Variants in TAF1 observed in about 807,000 individuals in gnomAD.
The protein encoded by TAF1 is transcription initiation factor TFIID subunit 1.
Under a neutral mutation model 138.5 loss-of-function variants are expected in TAF1, and 2 were observed. The ratio of observed to expected loss-of-function variants is 0.01; its 90% CI spans 0.01 to 0.05. TAF1 has a LOEUF of 0.05. Among genes scored for constraint, TAF1 ranks in the 10% least tolerant of loss-of-function variants. The probability of loss-of-function intolerance (pLI) is 1.00; values close to 1 mark genes in which losing one functional copy is unlikely to be tolerated. For synonymous variants in TAF1, 437 were observed against 503.2 expected (o/e 0.87, Z 1.76); for missense variants, 709 against 1,478.0 (o/e 0.48, Z 8.53).
chrX:71,367,674 C>CT, intron 2 of TAF1, 61 bp downstream of exon 2: 1 of 1,136,831 alleles, frequency 8.8e-7, no homozygotes. Flanking sequence ...TATGTATGTA[C>CT]TTTTTTGTGT....
chrX:71,403,970 A>G (rs1296309678), intron 25 of TAF1, among the ~76,000 whole-genome samples: 1 of 105,539 alleles, frequency 9.5e-6, no homozygotes, highest in African/African-American at 3.5e-5. Context: ...TTCTGGCACA[A>G]GATGTTTTTG....
At chrX:71,420,917 A>G (rs968539092) in intron 28 of TAF1, among the ~76,000 whole-genome samples, 2 of 111,312 alleles carry the variant, frequency 1.8e-5, no homozygotes, top group African/African-American at 6.5e-5. Flanking sequence ...GGCCCCAGGC[A>G]CAAGATGGCG....
At chrX:71,483,772 C>CTATATA (rs1296271842) in intron 13 of TAF1, among the ~76,000 whole-genome samples, 13 of 75,205 alleles carry the variant, frequency 1.7e-4, no homozygotes, top group South Asian at 7.3e-4. Context: ...CTCTCTCTCT[C>CTATATA]TCTCTCTCTA....
Position 71,388,740 on chromosome X carries a change from A to G in TAF1, c.2572A>G (p.Met858Val). The change falls in exon 17 of 38, where the codon ATG (methionine) becomes GTG (valine). Residue 858 changes from methionine to valine, a missense_variant and splice_region_variant. Physicochemically the swap from Met to Val is conservative, Grantham distance 21 (BLOSUM62 1). Around this residue, in one of 14 missense-constraint regions of TAF1, gnomAD observed 4 missense variants for 34.8 expected, o/e 0.11. Transcript: ENST00000423759. ...CTCTATGTATATGTCTTTTCCAGGG[A>G]TGGACTCAAACTGGTGGGTGCTTAA... ...KLCADFKRTG[M>V]DSNWWVLKSD... is the part of the protein sequence containing the mutation. The G allele has an allele frequency of 1.7e-6, 2 of 1,211,435 alleles. No homozygotes were observed. The highest frequency in any genetic ancestry group is 2.2e-6 in the Non-Finnish European group (2 of 895,428).
intron 14 of TAF1, among the ~76,000 whole-genome samples, chrX:71,529,215 G>A (rs1489363458): frequency 9.1e-6 from 1 of 110,312 alleles, no homozygotes; most frequent in Non-Finnish European, 1.9e-5. Context: ...GGGACTACAG[G>A]TGCCCGCCAC....
At chrX:71,457,494 C>G (rs1208363726) in intron 34 of TAF1, among the ~76,000 whole-genome samples, 4 of 112,153 alleles carry the variant, frequency 3.6e-5, no homozygotes, top group Non-Finnish European at 7.5e-5. Flanking sequence ...TTATCTAGTC[C>G]TTCTTGCCCT....
intron 13 of TAF1, among the ~76,000 whole-genome samples, chrX:71,513,201 G>C (rs184242056): frequency 1.3e-4 from 14 of 111,629 alleles, no homozygotes; most frequent in Non-Finnish European, 2.4e-4. Context: ...AGGCCCTAAC[G>C]TGTTTAAGGC....
rs1336248668 is a variant in TAF1 at position 71,377,005 on chromosome X, G to C, written c.528G>C (p.Leu176Phe). Reference sequence around the variant, plus strand: ...CCTCCATCATTGCCCCTTCCTCTTTGGCCTCAGAGAAAGTGGACTTCAGTA... The same window carrying C: ...CCTCCATCATTGCCCCTTCCTCTTTCGCCTCAGAGAAAGTGGACTTCAGTA... ...ILPSIIAPSS[L>F]ASEKVDFSSS... Residue 176 changes from leucine to phenylalanine, a missense_variant, in exon 5 of 38, where the codon TTG becomes TTC. Around this residue, in one of 14 missense-constraint regions of TAF1, gnomAD observed 123 missense variants for 161.6 expected, o/e 0.76. Transcript: ENST00000423759. 1 of 1,211,463 alleles carries C rather than the reference G, an allele frequency of 8.3e-7. No individual in the cohort carries two copies. Among genetic ancestry groups the C allele is most frequent in the South Asian group, 1.8e-5 (1 of 56,980 alleles).
chrX:71,379,596 CTTTT>C (rs10714417), intron 8 of TAF1, among the ~76,000 whole-genome samples: 1 of 57,578 alleles, frequency 1.7e-5, no homozygotes, highest in Non-Finnish European at 3.4e-5. Flanking sequence ...TGATAAAGAT[CTTTT>C]TTTTTTTTTT....
At position 71,406,829 on chromosome X, in the gene TAF1, A is replaced by G. The variant is rs989480477; in HGVS notation, c.4107+83A>G. 6.8e-6 allele frequency: 5 copies of G among 739,215 alleles called. No individual in the cohort carries two copies. In the African/African-American group the frequency reaches 1.1e-4, roughly 16 times the overall value. The allele number at this position is 739,215 out of a possible 1,213,427, so 60.9% of individuals were successfully genotyped here. Reference sequence around the variant, plus strand: ...TGTATGCCACAGCTCTGACAGCCTTAGATTCTCCAGTTGCCTTGCCCTGAG... The same window carrying G: ...TGTATGCCACAGCTCTGACAGCCTTGGATTCTCCAGTTGCCTTGCCCTGAG... On this transcript the variant is annotated intron_variant, in intron 26 of 37. Transcript: ENST00000423759.
chrX:71,378,471 G>A lies in TAF1; in HGVS notation c.1152+18G>A, dbSNP rs2033640005. 1 of 1,203,366 alleles carries A rather than the reference G, an allele frequency of 8.3e-7. No homozygotes were observed. The highest frequency in any genetic ancestry group is 1.1e-6 in the Non-Finnish European group (1 of 887,927). On this transcript the variant is annotated intron_variant, in intron 7 of 37. Transcript: ENST00000423759. ...TGATAGAGGTGAGCAACACTGGTAT[G>A]TAAGAAAGGAATCAATGTACTCAGG...
chrX:71,420,305 T>G (rs905270153), intron 28 of TAF1: 1 of 1,138,016 alleles, frequency 8.8e-7, no homozygotes, highest in African/African-American at 1.8e-5. Flanking sequence ...GGGAGTCATC[T>G]AAGGCCAGGG....
rs768819256 is a variant in TAF1, at chrX:71,420,619, C to A, written c.4385-690C>A. ...GCTTCTCAGCTTCTTCCTCCATCTC[C>A]CTAACTCGAGCTTTGATAGCTTCCA... On this transcript the variant is annotated intron_variant, in intron 28 of 37. Coordinates refer to ENST00000423759, the MANE Select transcript of TAF1 (RefSeq NM_004606.5). 76 of 1,206,883 alleles carry A rather than the reference C, an allele frequency of 6.3e-5. No homozygotes were observed. The South Asian group carries it at 1.3e-3, about 21-fold the overall frequency.
Position 71,367,549 on chromosome X carries a change from G to A in TAF1, c.171G>A (p.Leu57=). The A allele has an allele frequency of 8.3e-7, 1 of 1,211,924 alleles. No individual in the cohort carries two copies. Among genetic ancestry groups the A allele is most frequent in the Non-Finnish European group, 1.1e-6 (1 of 895,566 alleles). The change falls in exon 2 of 38, where the codon CTG becomes CTA. Residue 57 remains leucine (L), a synonymous_variant. Coordinates refer to ENST00000423759, the MANE Select transcript of TAF1 (RefSeq NM_004606.5). ...TGGGGGCTTTGGGGCTGGGCAGCCTGATCACTGAACTCACGGCAAATGAAG... is the reference window on the plus strand; with the variant it reads ...TGGGGGCTTTGGGGCTGGGCAGCCTAATCACTGAACTCACGGCAAATGAAG... ...AGLGALGLGS[L]ITELTANEEL... is the part of the protein sequence containing the mutation.
intron 28 of TAF1, among the ~76,000 whole-genome samples, chrX:71,409,725 A>G (rs996600292): frequency 2.7e-5 from 3 of 111,197 alleles, no homozygotes; most frequent in Non-Finnish European, 5.7e-5. Flanking sequence ...TTCCATCTCC[A>G]ATAACTGGCT....
intron 32 of TAF1, among the ~76,000 whole-genome samples, chrX:71,433,535 T>G (rs2036992628): frequency 9.0e-6 from 1 of 111,233 alleles, no homozygotes; most frequent in Admixed American, 9.7e-5. Flanking sequence ...TTCTTCTGAT[T>G]GTTGTCCTAA....
intron 13 of TAF1, chrX:71,491,040 G>GTTTTTTTTTT (rs1210295875): frequency 1.4e-5 from 1 of 69,735 alleles, no homozygotes; most frequent in African/African-American, 5.8e-5. Flanking sequence ...TGTTGTTGTT[G>GTTTTTTTTTT]TTGTTTTTTT....
chrX:71,430,368 A>G (rs1375548782), intron 32 of TAF1, among the ~76,000 whole-genome samples: 1 of 99,598 alleles, frequency 1.0e-5, no homozygotes, highest in Non-Finnish European at 2.0e-5. Flanking sequence ...TGGGCAACAG[A>G]GCGAGACTCC....
At chrX:71,423,661 C>G (rs2036462139) in intron 30 of TAF1, among the ~76,000 whole-genome samples, 1 of 111,427 alleles carries the variant, frequency 9.0e-6, no homozygotes. Context: ...CAGGAATTCT[C>G]AACAGAGTTT....
Sources: gnomAD v4.1 joint callset for allele counts (sites outside exome capture counted in the v4.1 genomes callset) on GRCh38, gnomAD v4.1.1 for gene constraint, gnomAD v4.1.1 regional missense constraint, MANE v1.5 for transcripts, NCBI Gene and HGNC (gene_info 2026-07-23, HGNC 2026-07-21) for gene names.